Variants in SMYD3 observed in about 807,000 individuals in gnomAD.
SMYD3 encodes the protein histone-lysine N-methyltransferase SMYD3.
In SMYD3, 36 loss-of-function variants were observed where a neutral mutation model predicts 57.7. The ratio of observed to expected loss-of-function variants is 0.62; its 90% CI spans 0.48 to 0.82. The LOEUF is 0.82. SMYD3 is among the 40% of genes least tolerant of loss of function. The pLI, the probability that SMYD3 is intolerant of heterozygous loss-of-function variation, is 0.00. For synonymous variants in SMYD3, 211 were observed against 195.0 expected (o/e 1.08, Z -0.68); for missense variants, 515 against 538.8 (o/e 0.96, Z 0.44).
chr1:246,257,557 C>A (rs1390180757), intron 5 of SMYD3, among the ~76,000 whole-genome samples: 1 of 152,124 alleles, frequency 6.6e-6, no homozygotes. Flanking sequence ...ATGACTGGGT[C>A]TTGTTGTTTT....
chr1:245,993,568 C>CA (rs10611495), intron 5 of SMYD3, among the ~76,000 whole-genome samples: 24 of 24,452 alleles, frequency 9.8e-4, no homozygotes, highest in Non-Finnish European at 2.3e-3. Flanking sequence ...GACGTTGTCT[C>CA]AAAAAAAAAA....
At chr1:245,814,651 G>C (rs578026219) in intron 10 of SMYD3, among the ~76,000 whole-genome samples, 10 of 152,174 alleles carry the variant, frequency 6.6e-5, no homozygotes, top group African/African-American at 2.4e-4. Context: ...CTTTCTAAAG[G>C]CTTCAAGGTC....
At chr1:246,395,637 ACACCACAGTCAGACAGGGAAGACGAACC>A (rs1321465965) in intron 1 of SMYD3, among the ~76,000 whole-genome samples, 24 of 29,096 alleles carry the variant, frequency 8.2e-4, no homozygotes, top group African/African-American at 1.2e-3. Flanking sequence ...GAAGACGAAC[ACACCACAGTCAGACAGGGAAGACGAACC>A]CACCACAGTC....
chr1:246,481,623 CAT>C (rs1452142973), intron 1 of SMYD3, among the ~76,000 whole-genome samples: 1,270 of 20,314 alleles, frequency 0.063, 112 homozygotes, highest in African/African-American at 0.15. Context: ...TACATATATA[CAT>C]ACATACATAC....
At chr1:245,781,426 C>T (rs766868585) in intron 10 of SMYD3, among the ~76,000 whole-genome samples, 16 of 152,096 alleles carry the variant, frequency 1.1e-4, no homozygotes, top group Admixed American at 7.2e-4. Context: ...AAATCAAATC[C>T]AGTGTAATTT....
intron 5 of SMYD3, among the ~76,000 whole-genome samples, chr1:245,996,916 G>A (rs905799231): frequency 4.6e-5 from 7 of 152,366 alleles, no homozygotes; most frequent in African/African-American, 1.7e-4. Flanking sequence ...TGCTTTCCAT[G>A]AAGAAGTCGG....
intron 11 of SMYD3, 65 bp downstream of exon 11, chr1:245,763,976 G>A (rs2045965375): frequency 2.5e-6 from 3 of 1,207,334 alleles, no homozygotes; most frequent in Non-Finnish European, 3.7e-6. Flanking sequence ...AAATCACAAA[G>A]AGGCCCAGCA....
rs1240336626 is a variant in SMYD3 at position 246,183,567 on chromosome 1, T to A, written c.531+143634A>T. ...AAGATAAATAAAAATCCTGACTAGC[T>A]AGGGGAGTATGTCCAGCACCAAAAA... On this transcript the variant is annotated intron_variant, in intron 5 of 11. Transcript: ENST00000490107. Among the ~76,000 whole-genome samples the A allele has an allele frequency of 2.0e-5, 3 of 151,944 alleles. No individual in the cohort carries two copies. The East Asian group carries it at 5.8e-4, about 29-fold the overall frequency.
chr1:246,420,267 G>A (rs2067123915), intron 1 of SMYD3, among the ~76,000 whole-genome samples: 4 of 151,946 alleles, frequency 2.6e-5, no homozygotes, highest in African/African-American at 4.8e-5. Context: ...ACCACTCGAT[G>A]AGGAGTTTAG....
rs1558352242 is a variant in SMYD3, at chr1:245,798,494, AC to A, written c.1077-34346del. 4.0e-5 allele frequency among the ~76,000 whole-genome samples: 5 copies of A among 123,882 alleles called. No individual in the cohort carries two copies. The East Asian group carries it at 1.6e-3, about 40-fold the overall frequency. 81.3% of individuals were successfully genotyped at this position (123,882 alleles called of 152,430 possible). A position where few individuals can be genotyped will look rare whatever the true frequency, so the allele number is the denominator to read the frequency against. On this transcript the variant is annotated intron_variant, in intron 10 of 11. Coordinates refer to ENST00000490107, the MANE Select transcript of SMYD3 (RefSeq NM_001167740.2). ...CACATACACAACACACCACACACAC[AC>A]ACACACACACCTTGAGCCTTCCCCA...
chr1:246,411,569 C>T (rs537629817), intron 1 of SMYD3, among the ~76,000 whole-genome samples: 23 of 152,152 alleles, frequency 1.5e-4, no homozygotes, highest in African/African-American at 4.3e-4. Context: ...AGACTTGGAA[C>T]GAAGCCAAAT....
chr1:245,793,209 T>C (rs1269573775), intron 10 of SMYD3, among the ~76,000 whole-genome samples: 1 of 151,012 alleles, frequency 6.6e-6, no homozygotes, highest in Non-Finnish European at 1.5e-5. Flanking sequence ...CTCGGGAGGC[T>C]GAGGCAGGAG....
intron 5 of SMYD3, among the ~76,000 whole-genome samples, chr1:246,297,789 C>A (rs879757831): frequency 6.6e-6 from 1 of 152,038 alleles, no homozygotes; most frequent in Non-Finnish European, 1.5e-5. Context: ...TTAAATTAAG[C>A]AATTTTTCCT....
intron 5 of SMYD3, among the ~76,000 whole-genome samples, chr1:246,067,582 A>T (rs757275815): frequency 4.1e-4 from 62 of 152,090 alleles, no homozygotes; most frequent in Non-Finnish European, 7.1e-4. Context: ...TACAAATAAT[A>T]GCTGCGCCCA....
At chr1:245,802,008 A>G (rs1306638772) in intron 10 of SMYD3, among the ~76,000 whole-genome samples, 6 of 152,196 alleles carry the variant, frequency 3.9e-5, no homozygotes, top group Non-Finnish European at 8.8e-5. Flanking sequence ...GTTATATATA[A>G]TCAATCAGTC....
At chr1:245,845,303 T>TA (rs1558414163) in intron 10 of SMYD3, among the ~76,000 whole-genome samples, 1 of 152,226 alleles carries the variant, frequency 6.6e-6, no homozygotes, top group Non-Finnish European at 1.5e-5. Context: ...TTAACCTCAC[T>TA]AACTCCTATT....
chr1:246,263,733 A>G (rs2064054382), intron 5 of SMYD3, among the ~76,000 whole-genome samples: 1 of 152,230 alleles, frequency 6.6e-6, no homozygotes, highest in Non-Finnish European at 1.5e-5. Context: ...TTCATTTTCA[A>G]AGGATAATAC....
intron 1 of SMYD3, among the ~76,000 whole-genome samples, chr1:246,405,760 A>G (rs1403046772): frequency 1.3e-5 from 2 of 151,936 alleles, no homozygotes; most frequent in Non-Finnish European, 2.9e-5. Context: ...TACAAAAAAA[A>G]TTAGCCGGGC....
chr1:245,788,746 T>G (rs924215897), intron 10 of SMYD3: 14 of 152,252 alleles, frequency 9.2e-5, no homozygotes, highest in African/African-American at 3.1e-4. Flanking sequence ...CTCCCTCCCA[T>G]GCCCACCATC....
Sources: allele counts gnomAD v4.1 joint callset (sites outside exome capture counted in the v4.1 genomes callset), GRCh38; gene constraint gnomAD v4.1.1; transcripts MANE v1.5; gene names NCBI Gene and HGNC (gene_info 2026-07-23, HGNC 2026-07-21).